Variants in ASAP1 observed in about 807,000 individuals in gnomAD.
The protein encoded by ASAP1 is arf-GAP with SH3 domain, ANK repeat and PH domain-containing protein 1.
A neutral mutation model predicts 145.2 loss-of-function variants in ASAP1; 43 were observed. That is an observed-to-expected ratio of 0.30 (90% CI 0.23 to 0.38). The LOEUF is 0.38. ASAP1 is among the 10% of genes least tolerant of loss of function. The pLI is 1.00. For missense variants in ASAP1, 1,018 were observed against 1,355.3 expected, an observed-to-expected ratio of 0.75 and a Z score of 3.91; for synonymous variants, 546 against 515.5, an observed-to-expected ratio of 1.06 and a Z score of -0.80.
At chr8:130,431,166 C>T (rs1443546850) in intron 1 of ASAP1, among the ~76,000 whole-genome samples, 1 of 152,164 alleles carries the variant, frequency 6.6e-6, no homozygotes, top group Non-Finnish European at 1.5e-5. Context: ...CCAGCCAATC[C>T]TACTGCCTCC....
intron 1 of ASAP1, among the ~76,000 whole-genome samples, chr8:130,407,002 A>G (rs1408817534): frequency 1.3e-5 from 2 of 152,234 alleles, no homozygotes; most frequent in Admixed American, 1.3e-4. Flanking sequence ...GAACTCTTAC[A>G]GCACAGCTAG....
intron 5 of ASAP1, among the ~76,000 whole-genome samples, chr8:130,203,287 T>C (rs1321081214): frequency 6.6e-6 from 1 of 152,232 alleles, no homozygotes; most frequent in African/African-American, 2.4e-5. Context: ...AGATGCCAGA[T>C]GCACTGGACA....
chr8:130,130,894 C>T (rs527369344), intron 15 of ASAP1, among the ~76,000 whole-genome samples: 4 of 152,222 alleles, frequency 2.6e-5, no homozygotes, highest in South Asian at 2.1e-4. Context: ...GCCACGCTCA[C>T]GCCTGTAAGC....
intron 3 of ASAP1, among the ~76,000 whole-genome samples, chr8:130,270,907 T>C (rs1820546207): frequency 2.0e-5 from 3 of 151,528 alleles, no homozygotes; most frequent in South Asian, 4.2e-4. Flanking sequence ...CCTGTAAGTA[T>C]TACCTGAGAA....
chr8:130,185,210 G>A (rs78884089), intron 7 of ASAP1, among the ~76,000 whole-genome samples: 2,473 of 152,248 alleles, frequency 0.016, 17 homozygotes, highest in Middle Eastern at 0.054. Context: ...TGTTGACAGG[G>A]ATTTACTAAG....
At chr8:130,124,551 C>G (rs1395863092) in intron 17 of ASAP1, among the ~76,000 whole-genome samples, 1 of 152,166 alleles carries the variant, frequency 6.6e-6, no homozygotes, top group Non-Finnish European at 1.5e-5. Flanking sequence ...AATTTACTCC[C>G]AGGACAGAAA....
chr8:130,314,920 G>A (rs368192921), intron 3 of ASAP1, among the ~76,000 whole-genome samples: 2 of 152,196 alleles, frequency 1.3e-5, no homozygotes, highest in Non-Finnish European at 2.9e-5. Context: ...AAGAGAGAGA[G>A]AGAAAAAGTG....
chr8:130,400,267 C>T (rs1309231251), intron 2 of ASAP1, among the ~76,000 whole-genome samples: 2 of 152,132 alleles, frequency 1.3e-5, no homozygotes, highest in African/African-American at 2.4e-5. Context: ...AGTCAGTCTG[C>T]CAGCTTTTTA....
At chr8:130,238,927 C>G (rs1586659988) in intron 3 of ASAP1, among the ~76,000 whole-genome samples, 1 of 152,154 alleles carries the variant, frequency 6.6e-6, no homozygotes, top group East Asian at 1.9e-4. Context: ...CACCTACATT[C>G]TAACTCCATA....
At chr8:130,313,959 C>A (rs1823514881) in intron 3 of ASAP1, among the ~76,000 whole-genome samples, 1 of 152,204 alleles carries the variant, frequency 6.6e-6, no homozygotes, top group Non-Finnish European at 1.5e-5. Flanking sequence ...CCCTCACACA[C>A]AATTTGCTGC....
chr8:130,070,148 T>A (rs1477973230), intron 27 of ASAP1, among the ~76,000 whole-genome samples: 1 of 150,260 alleles, frequency 6.7e-6, no homozygotes, highest in African/African-American at 2.4e-5. Context: ...GCCATTCTCC[T>A]GCCTCAGCCT....
At chr8:130,286,642 T>A (rs1821631434) in intron 3 of ASAP1, among the ~76,000 whole-genome samples, 2 of 152,156 alleles carry the variant, frequency 1.3e-5, no homozygotes, top group African/African-American at 4.8e-5. Flanking sequence ...CTAAGAACAG[T>A]GCCTGGTGCA....
At position 130,366,886 on chromosome 8, in the gene ASAP1, CTT is replaced by C. The variant is rs905755447; in HGVS notation, c.60-8745_60-8744del. ...TCTAAACAGGTACTATGCTAGATTCCTTTTTTTTTTTTTTTTTTTTTTGAGAC... is the reference window on the plus strand; with the variant it reads ...TCTAAACAGGTACTATGCTAGATTCCTTTTTTTTTTTTTTTTTTTTGAGAC... On this transcript the variant is annotated intron_variant, in intron 2 of 29. Coordinates refer to ENST00000518721, the MANE Select transcript of ASAP1 (RefSeq NM_018482.4). Among the ~76,000 whole-genome samples the C allele has an allele frequency of 5.0e-3, 493 of 99,158 alleles. 5 individuals carry two copies. Among genetic ancestry groups the C allele is most frequent in the African/African-American group, 0.019 (460 of 24,722 alleles). 65.1% of individuals were successfully genotyped at this position (99,158 alleles called of 152,430 possible).
chr8:130,079,758 C>T (rs1332087965), intron 26 of ASAP1, 144 bp downstream of exon 26: 7 of 760,088 alleles, frequency 9.2e-6, no homozygotes, highest in African/African-American at 5.3e-5. Context: ...CAAGAGTGAA[C>T]GTCTGGTTTC....
chr8:130,189,298 C>A (rs372868568), intron 5 of ASAP1, among the ~76,000 whole-genome samples: 1 of 152,112 alleles, frequency 6.6e-6, no homozygotes, highest in Non-Finnish European at 1.5e-5. Context: ...AATAACCAAT[C>A]CCTCTTTATT....
intron 12 of ASAP1, among the ~76,000 whole-genome samples, chr8:130,155,470 G>A (rs1467259431): frequency 2.0e-5 from 3 of 152,282 alleles, no homozygotes; most frequent in South Asian, 2.1e-4. Context: ...AGGCTCAAGC[G>A]ATACTCCCAC....
intron 3 of ASAP1, among the ~76,000 whole-genome samples, chr8:130,261,124 G>T (rs1358219677): frequency 1.3e-5 from 2 of 152,106 alleles, no homozygotes; most frequent in South Asian, 4.1e-4. Flanking sequence ...GATGATTAAG[G>T]AATCTGCTGG....
At chr8:130,059,552 C>T (rs184850456) in intron 28 of ASAP1, among the ~76,000 whole-genome samples, 1 of 152,200 alleles carries the variant, frequency 6.6e-6, no homozygotes, top group East Asian at 1.9e-4. Flanking sequence ...AACTCCTGGC[C>T]TCAAGCGATC....
intron 3 of ASAP1, among the ~76,000 whole-genome samples, chr8:130,258,070 A>G (rs1819675099): frequency 6.6e-6 from 1 of 152,328 alleles, no homozygotes; most frequent in South Asian, 2.1e-4. Context: ...GCCCTGGTTG[A>G]TCTGAACTCA....
Sources: gnomAD v4.1 joint callset for allele counts (sites outside exome capture counted in the v4.1 genomes callset) on GRCh38, gnomAD v4.1.1 for gene constraint, MANE v1.5 for transcripts, NCBI Gene and HGNC (gene_info 2026-07-23, HGNC 2026-07-21) for gene names.